The following PKHD1L1 variants were observed in gnomAD, a reference collection of about 807,000 sequenced individuals.
PKHD1L1 encodes the protein fibrocystin-L.
In PKHD1L1, 434 loss-of-function variants were observed where a neutral mutation model predicts 462.9. The ratio of observed to expected loss-of-function variants is 0.94; its 90% CI spans 0.87 to 1.02. The LOEUF (loss-of-function observed/expected upper bound fraction) is 1.02, where lower values mean the gene tolerates loss of function less well. Among genes scored for constraint, PKHD1L1 ranks in the 50% least tolerant of loss-of-function variants. The probability of loss-of-function intolerance (pLI) is 0.00; values close to 1 mark genes in which losing one functional copy is unlikely to be tolerated. For missense variants in PKHD1L1, 5,202 were observed against 5,096.1 expected (o/e 1.02, Z -0.63); for synonymous variants, 1,781 against 1,750.0 (o/e 1.02, Z -0.44).
In PKHD1L1 at chr8:109,398,497, A is replaced by C. The variant is rs191706684; in HGVS notation, c.961A>C (p.Ile321Leu). 6.4e-7 allele frequency: 1 copy of C among 1,572,320 alleles called. No individual in the cohort carries two copies. The highest frequency in any genetic ancestry group is 1.3e-5 in the African/African-American group (1 of 74,280). ...CDILNVTENS[I>L]CCKTPPKPHI... Reference sequence around the variant, plus strand: ...TATTTTGAATGTCACAGAAAATAGTATATGTTGCAAGACACCCCCCAAACC... The same window carrying C: ...TATTTTGAATGTCACAGAAAATAGTCTATGTTGCAAGACACCCCCCAAACC... The change falls in exon 12 of 78, where the codon ATA becomes CTA. Residue 321 changes from isoleucine (I) to leucine (L), a missense_variant. This residue lies in a region of PKHD1L1 where 4,497 missense variants were observed against 4,336.8 expected (regional missense o/e 1.04). Transcript: ENST00000378402.
chr8:109,431,528 T>G (rs1158968941), intron 27 of PKHD1L1, among the ~76,000 whole-genome samples: 1 of 152,186 alleles, frequency 6.6e-6, no homozygotes, highest in East Asian at 1.9e-4. Context: ...ACCTTTTGTA[T>G]ATAACACACA....
At position 109,444,824 on chromosome 8, in the gene PKHD1L1, A is replaced by G. The variant is rs536853128; in HGVS notation, c.4955A>G (p.Asp1652Gly). ...ATCAATACGTTGTCCAATGAATTTG[A>G]TAGGCGATTTGTACTTTTGCCAAAC... ...TAINTLSNEF[D>G]RRFVLLPNID... is the part of the protein sequence containing the mutation. The change falls in exon 38 of 78, where the codon GAT (aspartate) becomes GGT (glycine). Residue 1652 changes from aspartate to glycine, a missense_variant. Physicochemically the swap from Asp to Gly is moderately conservative, Grantham distance 94. Coordinates refer to ENST00000378402, the MANE Select transcript of PKHD1L1 (RefSeq NM_177531.6). 42 of 1,614,044 alleles carry G rather than the reference A, an allele frequency of 2.6e-5. No individual in the cohort carries two copies. The East Asian group carries it at 4.5e-4, about 17-fold the overall frequency.
rs1381463292 is a variant in PKHD1L1, at chr8:109,406,376, G to A, written c.1711G>A (p.Ala571Thr). The A allele has an allele frequency of 6.4e-7, 1 of 1,560,868 alleles. No individual in the cohort carries two copies. Among genetic ancestry groups the A allele is most frequent in the Non-Finnish European group, 8.7e-7 (1 of 1,151,508 alleles). The change falls in exon 17 of 78, where the codon GCC (alanine) becomes ACC (threonine). Residue 571 changes from alanine to threonine, a missense_variant. Ala to Thr is a moderately conservative substitution (Grantham distance 58). Transcript: ENST00000378402. ...TGCTTCTGAATTCATACTGCAATCA[G>A]CCTTGAATGACCTCTGGTCTATAAA... ...ADASEFILQS[A>T]LNDLWSIKPD...
Position 109,362,535 on chromosome 8 carries a change from G to A in PKHD1L1, c.-46G>A, listed in dbSNP as rs570573575. 16 of 1,533,558 alleles carry A rather than the reference G, an allele frequency of 1.0e-5. No homozygotes were observed. The highest frequency in any genetic ancestry group is 1.4e-5 in the Non-Finnish European group (16 of 1,127,598). 95.0% of individuals were successfully genotyped at this position (1,533,558 alleles called of 1,614,324 possible). ...CCAGGAGCCGAGCTCCAGCACTAGA[G>A]CCAGCTGCGAGCGGAGGGCACCAAC... On this transcript the variant is annotated 5_prime_UTR_variant, in exon 1 of 78. Coordinates refer to ENST00000378402, the MANE Select transcript of PKHD1L1 (RefSeq NM_177531.6).
At chr8:109,485,355 A>G (rs1818473234) in intron 58 of PKHD1L1, among the ~76,000 whole-genome samples, 182 bp downstream of exon 58, 1 of 151,954 alleles carries the variant, frequency 6.6e-6, no homozygotes, top group Admixed American at 6.6e-5. Flanking sequence ...AGTCCCCGCT[A>G]TGTGCTTTCA....
chr8:109,400,118 C>T lies in PKHD1L1; in HGVS notation c.1055C>T (p.Pro352Leu). 1 of 1,611,804 alleles carries T rather than the reference C, an allele frequency of 6.2e-7. No individual in the cohort carries two copies. The highest frequency in any genetic ancestry group is 8.5e-7 in the Non-Finnish European group (1 of 1,178,584). ...LKLEVWNNSR[P>L]IRLEEILEYN... ...CTTGAGGTGTGGAATAATAGCCGTCCAATACGTTTGGAAGAGATACTGGAA... is the reference window on the plus strand; with the variant it reads ...CTTGAGGTGTGGAATAATAGCCGTCTAATACGTTTGGAAGAGATACTGGAA... The change falls in exon 13 of 78, where the codon CCA becomes CTA. Residue 352 changes from proline to leucine, a missense_variant. Physicochemically the swap from Pro to Leu is moderately conservative, Grantham distance 98. Coordinates refer to ENST00000378402, the MANE Select transcript of PKHD1L1 (RefSeq NM_177531.6).
rs1204745024 is a variant in PKHD1L1 at position 109,531,230 on chromosome 8, T to C, written c.*1140T>C. Among the ~76,000 whole-genome samples, 2 of 152,262 alleles carry C rather than the reference T, an allele frequency of 1.3e-5. No individual in the cohort carries two copies. Among genetic ancestry groups the C allele is most frequent in the East Asian group, 1.9e-4 (1 of 5,182 alleles). ...ATTGTTAGTCTTACTTAGCAGAAAA[T>C]GTATAAACACTTACCAGGTAGTAAA... On this transcript the variant is annotated 3_prime_UTR_variant, in exon 78 of 78. Coordinates refer to ENST00000378402, the MANE Select transcript of PKHD1L1 (RefSeq NM_177531.6).
At chr8:109,431,680 CT>C (rs1345702414) in intron 27 of PKHD1L1, among the ~76,000 whole-genome samples, 1 of 152,124 alleles carries the variant, frequency 6.6e-6, no homozygotes, top group Admixed American at 6.5e-5. Context: ...AATCAATCAC[CT>C]TAAAGTATTT....
chr8:109,425,107 A>C lies in PKHD1L1; in HGVS notation c.2720A>C (p.Asn907Thr), dbSNP rs1182516988. 1 of 1,589,970 alleles carries C rather than the reference A, an allele frequency of 6.3e-7. No individual in the cohort carries two copies. Among genetic ancestry groups the C allele is most frequent in the East Asian group, 2.3e-5 (1 of 43,494 alleles). Residue 907 changes from asparagine to threonine, a missense_variant, in exon 24 of 78, where the codon AAC becomes ACC. By Grantham distance (65) the Asn-to-Thr change is moderately conservative. Coordinates refer to ENST00000378402, the MANE Select transcript of PKHD1L1 (RefSeq NM_177531.6). ...FGQIITHETENEFVYRGNNWP... is the reference protein window; with the variant it reads ...FGQIITHETETEFVYRGNNWP... The stretch of plus-strand genomic sequence containing the variant: ...TAGATAATCACACATGAGACAGAGA[A>C]CGAGTTTGTCTACAGAGGAAATAAT...
chr8:109,485,160 C>A lies in PKHD1L1; in HGVS notation c.9693C>A (p.Ser3231=). Reference sequence around the variant, plus strand: ...TTCTCATTCTTAATGATAGCCTTTCCTATACTCACTTTGGTAAGTGGATGC... The same window carrying A: ...TTCTCATTCTTAATGATAGCCTTTCATATACTCACTTTGGTAAGTGGATGC... The part of the protein sequence containing the change: ...HKILILNDSL[S]YTHFAEKYHV... Residue 3231 remains serine (S), a synonymous_variant, in exon 58 of 78, where the codon TCC becomes TCA. Transcript: ENST00000378402. The A allele has an allele frequency of 6.3e-7, 1 of 1,578,454 alleles. No individual in the cohort carries two copies. Among genetic ancestry groups the A allele is most frequent in the Non-Finnish European group, 8.6e-7 (1 of 1,161,956 alleles).
At chr8:109,479,118 A>G (rs754648388) in intron 53 of PKHD1L1, among the ~76,000 whole-genome samples, 5 of 152,152 alleles carry the variant, frequency 3.3e-5, no homozygotes, top group Admixed American at 6.5e-5. Flanking sequence ...AATATCACCA[A>G]TTTTATAATA....
At chr8:109,392,129 A>G (rs1262713220) in intron 9 of PKHD1L1, among the ~76,000 whole-genome samples, 2 of 152,220 alleles carry the variant, frequency 1.3e-5, no homozygotes, top group African/African-American at 2.4e-5. Flanking sequence ...TGAACGTATT[A>G]GAAAACCATG....
intron 13 of PKHD1L1, among the ~76,000 whole-genome samples, chr8:109,400,971 T>C (rs921782274): frequency 6.6e-6 from 1 of 152,136 alleles, no homozygotes; most frequent in African/African-American, 2.4e-5. Context: ...TAAGTTTAAA[T>C]TGCTATCTGT....
chr8:109,511,229 A>G (rs929073497), intron 71 of PKHD1L1, among the ~76,000 whole-genome samples: 6 of 152,034 alleles, frequency 3.9e-5, no homozygotes, highest in Admixed American at 3.3e-4. Context: ...GTTTTAGGGT[A>G]CATGTGCACA....
intron 11 of PKHD1L1, among the ~76,000 whole-genome samples, chr8:109,396,811 G>A (rs1436288564): frequency 1.3e-5 from 2 of 152,208 alleles, no homozygotes; most frequent in Non-Finnish European, 2.9e-5. Context: ...GGGACAGGAT[G>A]CCTGCCCATG....
Position 109,527,014 on chromosome 8 carries a change from A to G in PKHD1L1, c.12715A>G (p.Thr4239Ala). ...GGCTGCAGTTTCAACTTTGAATATA[A>G]CTTTAAGTAAGTACAGTCCATTAAT... is the stretch of plus-strand genomic sequence containing the variant. ...FMAAVSTLNI[T>A]LRSY The change falls in exon 77 of 78, where the codon ACT (threonine) becomes GCT (alanine). Residue 4239 changes from threonine to alanine, a missense_variant. This residue lies in a region of PKHD1L1 where 698 missense variants were observed against 736.3 expected (regional missense o/e 0.95). Transcript: ENST00000378402. 1 of 1,602,092 alleles carries G rather than the reference A, an allele frequency of 6.2e-7. No homozygotes were observed. The highest frequency in any genetic ancestry group is 8.5e-7 in the Non-Finnish European group (1 of 1,169,956).
At chr8:109,462,999 A>G (rs117830247) in intron 48 of PKHD1L1, among the ~76,000 whole-genome samples, 2,661 of 152,158 alleles carry the variant, frequency 0.017, 37 homozygotes, top group Non-Finnish European at 0.029. Flanking sequence ...TGTTTACTTT[A>G]TTTATACATA....
intron 31 of PKHD1L1, 73 bp from the exon 32 acceptor site, chr8:109,438,824 A>G: frequency 8.7e-7 from 1 of 1,144,954 alleles, no homozygotes; most frequent in South Asian, 1.6e-5. Flanking sequence ...GAATTGATTT[A>G]TTTAATATGC....
At chr8:109,367,947 G>T (rs1811313018) in intron 2 of PKHD1L1, among the ~76,000 whole-genome samples, 3 of 152,116 alleles carry the variant, frequency 2.0e-5, no homozygotes, top group African/African-American at 7.2e-5. Context: ...AGGAGATATA[G>T]ATACATGATT....
Sources: allele counts gnomAD v4.1 joint callset (sites outside exome capture counted in the v4.1 genomes callset), GRCh38; gene constraint gnomAD v4.1.1; regional missense constraint gnomAD v4.1.1; transcripts MANE v1.5; gene names NCBI Gene and HGNC (gene_info 2026-07-23, HGNC 2026-07-21).